Variants in ADAM12 observed in about 807,000 individuals in gnomAD.
ADAM12 encodes ADAM metallopeptidase domain 12, also known as disintegrin and metalloproteinase domain-containing protein 12.
A neutral mutation model predicts 106.4 loss-of-function variants in ADAM12; 70 were observed. The observed-to-expected ratio is 0.66, with a 90% confidence interval of 0.54 to 0.80. ADAM12 has a LOEUF of 0.80. Ranked by LOEUF, ADAM12 falls within the 30% of genes least tolerant of loss-of-function variation. The pLI is 0.00. For synonymous variants in ADAM12, 420 were observed against 433.5 expected, an observed-to-expected ratio of 0.97 and a Z score of 0.39; for missense variants, 1,010 against 1,171.9, an observed-to-expected ratio of 0.86 and a Z score of 2.02.
rs946550985 is a variant in ADAM12, at chr10:126,115,617, G to A, written c.603+2421C>T. ...TTCCTGATGCTCTGTGAAGAAAAAC[G>A]CAAACATCTGCAGAAAAATCAGAGT... On this transcript the variant is annotated intron_variant, in intron 6 of 22. Coordinates refer to ENST00000448723, the MANE Select transcript of ADAM12 (RefSeq NM_001288973.2). Among the ~76,000 whole-genome samples the A allele has an allele frequency of 6.6e-5, 10 of 152,172 alleles. No homozygotes were observed. In the South Asian group the frequency reaches 1.2e-3, roughly 19 times the overall value.
intron 5 of ADAM12, among the ~76,000 whole-genome samples, chr10:126,135,051 C>G (rs1391810949): frequency 2.0e-5 from 3 of 152,216 alleles, no homozygotes; most frequent in Non-Finnish European, 4.4e-5. Context: ...GTTGACTTGT[C>G]TAGCATGGGA....
In ADAM12 at chr10:126,114,962, A is replaced by G. The variant is rs1039445184; in HGVS notation, c.603+3076T>C. 3.9e-5 allele frequency among the ~76,000 whole-genome samples: 6 copies of G among 152,214 alleles called. No homozygotes were observed. The South Asian group carries it at 1.2e-3, about 31-fold the overall frequency. On this transcript the variant is annotated intron_variant, in intron 6 of 22. Coordinates refer to ENST00000448723, the MANE Select transcript of ADAM12 (RefSeq NM_001288973.2). Reference sequence around the variant, plus strand: ...TACATATAATGTGCTATATACTGCTATGGCTACAAATACCCCACCACTACT... The same window carrying G: ...TACATATAATGTGCTATATACTGCTGTGGCTACAAATACCCCACCACTACT...
intron 11 of ADAM12, among the ~76,000 whole-genome samples, chr10:126,088,602 C>A (rs898608037): frequency 1.3e-5 from 2 of 151,438 alleles, no homozygotes; most frequent in African/African-American, 4.9e-5. Context: ...CCCAGCTACT[C>A]GGGAGGCTGA....
intron 9 of ADAM12, 97 bp from the exon 10 acceptor site, chr10:126,098,597 G>A (rs1216215576): frequency 9.5e-6 from 10 of 1,057,090 alleles, no homozygotes; most frequent in African/African-American, 3.2e-5. Context: ...AATAAAATAC[G>A]CAAAAATAAA....
At chr10:126,233,969 C>T (rs1428449940) in intron 3 of ADAM12, among the ~76,000 whole-genome samples, 8 of 152,120 alleles carry the variant, frequency 5.3e-5, no homozygotes, top group African/African-American at 7.2e-5. Context: ...GTTATCTTTG[C>T]GTGTGTATGA....
chr10:126,203,942 G>A (rs918364515), intron 3 of ADAM12, among the ~76,000 whole-genome samples: 1 of 18,648 alleles, frequency 5.4e-5, no homozygotes, highest in African/African-American at 8.5e-5. Flanking sequence ...GCGCGCGCGT[G>A]TGTGTGTGTG....
intron 3 of ADAM12, among the ~76,000 whole-genome samples, chr10:126,156,347 A>G (rs991041325): frequency 6.6e-6 from 1 of 152,218 alleles, no homozygotes; most frequent in Non-Finnish European, 1.5e-5. Context: ...ATGACAGGAA[A>G]TATCCTCTCC....
rs1050998192 is a variant in ADAM12 at position 126,012,903 on chromosome 10, C to A, written c.*4376G>T. The A allele has an allele frequency of 6.6e-6, 1 of 152,034 alleles. No individual in the cohort carries two copies. The highest frequency in any genetic ancestry group is 1.5e-5 in the Non-Finnish European group (1 of 67,996). 9.4% of individuals were successfully genotyped at this position (152,034 alleles called of 1,614,324 possible). On this transcript the variant is annotated 3_prime_UTR_variant, in exon 23 of 23. Transcript: ENST00000448723. Reference sequence around the variant, plus strand: ...CTAAAATAATCACATGATACTTATTCTTTGGAGGATTTAAAATGTGCTAAA... The same window carrying A: ...CTAAAATAATCACATGATACTTATTATTTGGAGGATTTAAAATGTGCTAAA...
chr10:126,102,077 GA>G (rs1411895833), intron 8 of ADAM12, among the ~76,000 whole-genome samples: 2 of 152,074 alleles, frequency 1.3e-5, no homozygotes, highest in African/African-American at 4.8e-5. Context: ...TCAGGGCAGG[GA>G]AAAGCAACTC....
At position 126,225,023 on chromosome 10, in the gene ADAM12, A is replaced by G. The variant is rs1459390104; in HGVS notation, c.260+53892T>C. ...CGCCTCTGAGTCAGGTTTGGGAGTG[A>G]GAAGCAACTCTTTAGAAAGGGGGCA... On this transcript the variant is annotated intron_variant, in intron 3 of 22. Transcript: ENST00000448723. 2.6e-5 allele frequency among the ~76,000 whole-genome samples: 4 copies of G among 152,350 alleles called. No homozygotes were observed. In the East Asian group the frequency reaches 7.7e-4, roughly 29 times the overall value.
In ADAM12 at chr10:126,170,774, A is replaced by G. The variant is rs148297316; in HGVS notation, c.261-15469T>C. On this transcript the variant is annotated intron_variant, in intron 3 of 22. Coordinates refer to ENST00000448723, the MANE Select transcript of ADAM12 (RefSeq NM_001288973.2). ...TCTTTGTTTTAAAGAAACTACAACAAGAAGTACTTGTAATACCCATGCTGA... is the reference window on the plus strand; with the variant it reads ...TCTTTGTTTTAAAGAAACTACAACAGGAAGTACTTGTAATACCCATGCTGA... Among the ~76,000 whole-genome samples the G allele has an allele frequency of 6.0e-3, 916 of 152,370 alleles. 7 individuals are homozygous for G. Among genetic ancestry groups the G allele is most frequent in the African/African-American group, 0.021 (860 of 41,594 alleles).
rs141959528 is a variant in ADAM12, at chr10:126,097,377, G to A, written c.996+1039C>T. Among the ~76,000 whole-genome samples, 34 of 152,266 alleles carry A rather than the reference G, an allele frequency of 2.2e-4. No homozygotes were observed. In the East Asian group the frequency reaches 4.8e-3, roughly 22 times the overall value. The stretch of plus-strand genomic sequence containing the variant: ...CAGTAAGTGGGGGCAATCCCTCCAC[G>A]CAGCTTTGACCCTTAGTGCAGGCTT... On this transcript the variant is annotated intron_variant, in intron 10 of 22. Coordinates refer to ENST00000448723, the MANE Select transcript of ADAM12 (RefSeq NM_001288973.2).
chr10:126,107,915 G>A (rs1218569338), intron 8 of ADAM12, among the ~76,000 whole-genome samples: 1 of 152,200 alleles, frequency 6.6e-6, no homozygotes, highest in African/African-American at 2.4e-5. Flanking sequence ...AGGAAGGACA[G>A]GTGGTTTAGA....
chr10:126,132,071 G>A (rs1449738860), intron 5 of ADAM12, among the ~76,000 whole-genome samples: 1 of 151,830 alleles, frequency 6.6e-6, no homozygotes, highest in Non-Finnish European at 1.5e-5. Context: ...CGCCTCCCGG[G>A]TTCAAGCAGT....
At chr10:126,127,319 C>T (rs1956222175) in intron 5 of ADAM12, among the ~76,000 whole-genome samples, 1 of 152,222 alleles carries the variant, frequency 6.6e-6, no homozygotes, top group African/African-American at 2.4e-5. Context: ...GTCAAAGTGG[C>T]TTTACCGCCA....
chr10:126,101,967 A>C (rs1035739401), intron 8 of ADAM12, among the ~76,000 whole-genome samples: 4 of 152,152 alleles, frequency 2.6e-5, no homozygotes, highest in Admixed American at 6.6e-5. Context: ...CACTGAAAGC[A>C]AGACTTCTCA....
chr10:126,307,793 A>G (rs1960915151), intron 2 of ADAM12, among the ~76,000 whole-genome samples: 1 of 152,144 alleles, frequency 6.6e-6, no homozygotes, highest in South Asian at 2.1e-4. Context: ...GAGTTTCGCC[A>G]TGTTAGCCAG....
intron 2 of ADAM12, among the ~76,000 whole-genome samples, chr10:126,282,535 C>A (rs940531302): frequency 3.3e-5 from 5 of 152,090 alleles, no homozygotes; most frequent in African/African-American, 1.2e-4. Context: ...TAGTTTTACC[C>A]TGTTTTGAAC....
intron 3 of ADAM12, among the ~76,000 whole-genome samples, chr10:126,185,957 T>C (rs1957392570): frequency 6.6e-6 from 1 of 152,236 alleles, no homozygotes; most frequent in Non-Finnish European, 1.5e-5. Flanking sequence ...AGTTTGATGA[T>C]ATTTTGTTTA....
Sources: gnomAD v4.1 joint callset for allele counts (sites outside exome capture counted in the v4.1 genomes callset) on GRCh38, gnomAD v4.1.1 for gene constraint, MANE v1.5 for transcripts, NCBI Gene and HGNC (gene_info 2026-07-23, HGNC 2026-07-21) for gene names.